The following PKHD1 variants were observed in gnomAD, a reference collection of about 807,000 sequenced individuals.
The protein encoded by PKHD1 is PKHD1 ciliary IPT domain containing fibrocystin/polyductin.
A neutral mutation model predicts 412.0 loss-of-function variants in PKHD1; 291 were observed. The ratio of observed to expected loss-of-function variants is 0.71; its 90% confidence interval spans 0.64 to 0.78. The LOEUF is 0.78. Among genes scored for constraint, PKHD1 ranks in the 30% least tolerant of loss-of-function variants. The probability of loss-of-function intolerance (pLI) is 0.00; values close to 1 mark genes in which losing one functional copy is unlikely to be tolerated. For synonymous variants in PKHD1, 1,777 were observed against 1,821.5 expected (o/e 0.98, Z 0.62); for missense variants, 4,825 against 4,950.7 (o/e 0.97, Z 0.76).
At position 51,912,491 on chromosome 6, in the gene PKHD1, G is replaced by C. The variant is rs1377344803; in HGVS notation, c.6207C>G (p.Asp2069Glu). Residue 2069 changes from aspartate to glutamate, a missense_variant, in exon 38 of 67, where the codon GAC (aspartate) becomes GAG (glutamate). By Grantham distance (45) the Asp-to-Glu change is conservative. Transcript: ENST00000371117. ...TGACAACTTCATCCCCAGGGTTCCA[G>C]TCCACAGCATCTTCTAAAGCCAGCA... Reference protein sequence around the residue: ...DTVLALEDAVDWNPGDEVVII... With the variant: ...DTVLALEDAVEWNPGDEVVII... 6.2e-6 allele frequency: 10 copies of C among 1,613,156 alleles called. No homozygotes were observed. The highest frequency in any genetic ancestry group is 8.5e-6 in the Non-Finnish European group (10 of 1,179,292).
chr6:52,060,176 G>C, intron 14 of PKHD1, 134 bp from the exon 15 acceptor site: 1 of 681,320 alleles, frequency 1.5e-6, no homozygotes, highest in Non-Finnish European at 2.7e-6. Flanking sequence ...CCACACAATT[G>C]TCCAGAATAT....
chr6:51,719,878 C>G (rs1318747252), intron 60 of PKHD1, among the ~76,000 whole-genome samples: 1 of 152,102 alleles, frequency 6.6e-6, no homozygotes, highest in East Asian at 1.9e-4. Flanking sequence ...CATTTCCTGA[C>G]ATATATGCCA....
chr6:51,981,409 G>C (rs1184009446), intron 35 of PKHD1, among the ~76,000 whole-genome samples: 1 of 140,414 alleles, frequency 7.1e-6, no homozygotes, highest in Non-Finnish European at 1.5e-5. Flanking sequence ...AAGGCTGGAC[G>C]GTGCTGCTGC....
At chr6:52,012,850 G>A (rs1799979303) in intron 34 of PKHD1, among the ~76,000 whole-genome samples, 1 of 152,202 alleles carries the variant, frequency 6.6e-6, no homozygotes, top group African/African-American at 2.4e-5. Context: ...CACATTCTTC[G>A]TAAATCGGTT....
chr6:52,016,648 A>G (rs990429972), intron 34 of PKHD1, among the ~76,000 whole-genome samples: 1 of 149,020 alleles, frequency 6.7e-6, no homozygotes, highest in Non-Finnish European at 1.5e-5. Context: ...AAAAAAAAAA[A>G]AAAAAAGAAA....
chr6:51,873,988 G>T (rs1194139711), intron 46 of PKHD1, among the ~76,000 whole-genome samples: 1 of 152,148 alleles, frequency 6.6e-6, no homozygotes, highest in Non-Finnish European at 1.5e-5. Context: ...GAGAAAATGA[G>T]ATTTCTCCCA....
At chr6:51,812,366 T>A (rs1764824581) in intron 52 of PKHD1, among the ~76,000 whole-genome samples, 1 of 152,312 alleles carries the variant, frequency 6.6e-6, no homozygotes, top group African/African-American at 2.4e-5. Flanking sequence ...CCCAACCAAC[T>A]GAATGGATCC....
At chr6:51,680,551 T>G (rs143662810) in intron 60 of PKHD1, among the ~76,000 whole-genome samples, 118 of 152,208 alleles carry the variant, frequency 7.8e-4, no homozygotes, top group African/African-American at 2.1e-3. Context: ...TTTGGTTTTG[T>G]TTTTAATTTA....
chr6:51,858,189 C>T (rs570454083), intron 48 of PKHD1, among the ~76,000 whole-genome samples: 1 of 152,250 alleles, frequency 6.6e-6, no homozygotes, highest in Admixed American at 6.5e-5. Context: ...GTGTTTACAT[C>T]TTCGAATAGA....
At chr6:52,086,260 G>A (rs9474144) in intron 1 of PKHD1, among the ~76,000 whole-genome samples, 45,328 of 150,518 alleles carry the variant, frequency 0.3, 7,227 homozygotes, top group East Asian at 0.44. Context: ...ACAGGTGTGC[G>A]CCACCACACC....
At chr6:51,773,061 C>T (rs1232301381) in intron 54 of PKHD1, among the ~76,000 whole-genome samples, 1 of 152,006 alleles carries the variant, frequency 6.6e-6, no homozygotes, top group Non-Finnish European at 1.5e-5. Flanking sequence ...AAATAGACCA[C>T]TCTAATGACT....
At chr6:51,809,336 TGC>T (rs979869476) in intron 52 of PKHD1, among the ~76,000 whole-genome samples, 10 of 152,178 alleles carry the variant, frequency 6.6e-5, no homozygotes, top group African/African-American at 2.4e-4. Context: ...TGTTTTGAAA[TGC>T]CATCTTAATT....
At chr6:51,763,908 A>C (rs1390485784) in intron 55 of PKHD1, among the ~76,000 whole-genome samples, 2 of 151,684 alleles carry the variant, frequency 1.3e-5, no homozygotes, top group Non-Finnish European at 2.9e-5. Context: ...TTAAAAACCT[A>C]CAACAGCTTC....
At chr6:51,765,419 T>A (rs115181232) in intron 55 of PKHD1, among the ~76,000 whole-genome samples, 5,743 of 152,204 alleles carry the variant, frequency 0.038, 179 homozygotes, top group Middle Eastern at 0.092. Context: ...CTGAACAAGG[T>A]CCTGTATGAC....
intron 52 of PKHD1, among the ~76,000 whole-genome samples, chr6:51,810,226 C>T (rs1354326449): frequency 6.6e-6 from 1 of 152,062 alleles, no homozygotes; most frequent in African/African-American, 2.4e-5. Context: ...TCACTCGATA[C>T]TACCATGTAA....
chr6:51,922,334 G>T (rs190510293), intron 37 of PKHD1, among the ~76,000 whole-genome samples: 21 of 152,324 alleles, frequency 1.4e-4, no homozygotes, highest in African/African-American at 4.6e-4. Context: ...TCTCAGAGGG[G>T]CACCCAGCTG....
intron 37 of PKHD1, among the ~76,000 whole-genome samples, chr6:51,915,397 T>A (rs1783615698): frequency 6.6e-6 from 1 of 152,144 alleles, no homozygotes. Flanking sequence ...CCTCTATTTC[T>A]GTACTTAGAA....
At chr6:51,971,411 A>G (rs763770220) in intron 35 of PKHD1, among the ~76,000 whole-genome samples, 1 of 152,206 alleles carries the variant, frequency 6.6e-6, no homozygotes, top group Non-Finnish European at 1.5e-5. Flanking sequence ...AGGCAGAAGG[A>G]CAGGTTATTC....
intron 35 of PKHD1, among the ~76,000 whole-genome samples, chr6:51,989,956 GAAAGAAGGA>G (rs1562073404): frequency 8.2e-5 from 4 of 48,828 alleles, no homozygotes; most frequent in East Asian, 6.0e-4. Context: ...AGAAAGGAAG[GAAAGAAGGA>G]AGGAAGGAAG....
Sources: allele counts gnomAD v4.1 joint callset (sites outside exome capture counted in the v4.1 genomes callset), GRCh38; gene constraint gnomAD v4.1.1; transcripts MANE v1.5; gene names NCBI Gene and HGNC (gene_info 2026-07-23, HGNC 2026-07-21).